Variants in CACNG2 observed in about 807,000 individuals in gnomAD.
CACNG2 encodes the protein calcium voltage-gated channel auxiliary subunit gamma 2.
In CACNG2, 3 loss-of-function variants were observed where a neutral mutation model predicts 25.9. The observed-to-expected ratio is 0.12, with a 90% CI of 0.05 to 0.30. The LOEUF (loss-of-function observed/expected upper bound fraction) is 0.30, where lower values mean the gene tolerates loss of function less well. Ranked by LOEUF, CACNG2 falls within the 10% of genes least tolerant of loss-of-function variation. The pLI, the probability that CACNG2 is intolerant of heterozygous loss-of-function variation, is 1.00. For missense variants in CACNG2, 341 were observed against 432.5 expected, an observed-to-expected ratio of 0.79 and a Z score of 1.88; for synonymous variants, 167 against 173.3, an observed-to-expected ratio of 0.96 and a Z score of 0.29.
intron 2 of CACNG2, chr22:36,584,512 T>C (rs1385611202): frequency 6.6e-6 from 1 of 152,236 alleles, no homozygotes; most frequent in Non-Finnish European, 1.5e-5. Context: ...TTATTACTTG[T>C]TTCTTACACT....
intron 1 of CACNG2, among the ~76,000 whole-genome samples, chr22:36,621,708 A>C (rs1167123687): frequency 6.6e-6 from 1 of 152,096 alleles, no homozygotes; most frequent in Admixed American, 6.5e-5. Flanking sequence ...ACTGTAGCAC[A>C]TACTCCCCTG....
At position 36,662,973 on chromosome 22, in the gene CACNG2, G is replaced by A. The variant is rs547841137; in HGVS notation, c.211+39393C>T. On this transcript the variant is annotated intron_variant, in intron 1 of 3. Coordinates refer to ENST00000300105, the MANE Select transcript of CACNG2 (RefSeq NM_006078.5). ...TCACTGGGGCCCTGCACCACACAGG[G>A]AATCAAATAATAGTTGTTGAATGAA... is the stretch of plus-strand genomic sequence containing the variant. 1.6e-4 allele frequency among the ~76,000 whole-genome samples: 24 copies of A among 151,930 alleles called. No homozygotes were observed. In the South Asian group the frequency reaches 5.0e-3, roughly 32 times the overall value.
At chr22:36,677,681 G>A (rs943424468) in intron 1 of CACNG2, among the ~76,000 whole-genome samples, 1 of 152,174 alleles carries the variant, frequency 6.6e-6, no homozygotes, top group African/African-American at 2.4e-5. Context: ...CTTAACCCAC[G>A]TGGGCATAAA....
intron 1 of CACNG2, among the ~76,000 whole-genome samples, chr22:36,592,550 A>T (rs1289083645): frequency 6.6e-6 from 1 of 152,188 alleles, no homozygotes; most frequent in Non-Finnish European, 1.5e-5. Flanking sequence ...TTCTATATAC[A>T]TCGAGTATAT....
Position 36,641,316 on chromosome 22 carries a change from C to A in CACNG2, c.212-53768G>T, listed in dbSNP as rs569605669. On this transcript the variant is annotated intron_variant, in intron 1 of 3. Transcript: ENST00000300105. ...TGGATCTCCAGTACCTAGCACAGTG[C>A]CTGGCTCAGTGTAGATAGCCAATAG... Among the ~76,000 whole-genome samples, 3 of 152,310 alleles carry A rather than the reference C, an allele frequency of 2.0e-5. No homozygotes were observed. In the South Asian group the frequency reaches 6.2e-4, roughly 32 times the overall value.
intron 2 of CACNG2, among the ~76,000 whole-genome samples, chr22:36,579,281 G>C (rs1361965976): frequency 6.6e-6 from 1 of 151,860 alleles, no homozygotes; most frequent in Non-Finnish European, 1.5e-5. Flanking sequence ...GCAGACACTT[G>C]TAATCCCAGC....
chr22:36,668,865 G>A (rs1195488670), intron 1 of CACNG2, among the ~76,000 whole-genome samples: 5 of 152,136 alleles, frequency 3.3e-5, no homozygotes, highest in African/African-American at 4.8e-5. Context: ...CAGAGGGCAG[G>A]AGAAGATGGA....
intron 1 of CACNG2, among the ~76,000 whole-genome samples, chr22:36,673,108 C>T (rs1474440161): frequency 6.6e-6 from 1 of 152,192 alleles, no homozygotes; most frequent in Non-Finnish European, 1.5e-5. Flanking sequence ...TGCCTGTAGT[C>T]CCAGCTACTC....
intron 1 of CACNG2, among the ~76,000 whole-genome samples, chr22:36,653,428 G>A (rs535787893): frequency 2.0e-5 from 3 of 152,196 alleles, no homozygotes; most frequent in Admixed American, 6.5e-5. Context: ...AAAACTGGAC[G>A]ATTTAGCGAC....
At chr22:36,671,197 G>A (rs531732443) in intron 1 of CACNG2, among the ~76,000 whole-genome samples, 9 of 152,282 alleles carry the variant, frequency 5.9e-5, no homozygotes, top group Non-Finnish European at 7.4e-5. Flanking sequence ...GATTACAGGC[G>A]TGAGCCACTG....
In CACNG2 at chr22:36,654,299, A is replaced by C. The variant is rs1348276944; in HGVS notation, c.211+48067T>G. Among the ~76,000 whole-genome samples the C allele has an allele frequency of 5.9e-5, 9 of 151,862 alleles. No homozygotes were observed. The East Asian group carries it at 1.7e-3, about 29-fold the overall frequency. ...TGCGTGTGTTTCAAGACAAGGTCTC[A>C]CTCTCACCCCGGCTGGAGTGCGGTG... is the stretch of plus-strand genomic sequence containing the variant. On this transcript the variant is annotated intron_variant, in intron 1 of 3. Transcript: ENST00000300105.
At position 36,563,574 on chromosome 22, in the gene CACNG2, A is replaced by G. The variant is rs73884106; in HGVS notation, c.*777T>C. ...GGAACCTGGGGCCAGGCAAGCCCCAAGTGTACCCCCCTCCAGGCACCCTAA... is the reference window on the plus strand; with the variant it reads ...GGAACCTGGGGCCAGGCAAGCCCCAGGTGTACCCCCCTCCAGGCACCCTAA... On this transcript the variant is annotated 3_prime_UTR_variant, in exon 4 of 4. Transcript: ENST00000300105. Among the ~76,000 whole-genome samples, 18,187 of 152,112 alleles carry G rather than the reference A, an allele frequency of 0.12. 3,357 individuals carry two copies. The highest frequency in any genetic ancestry group is 0.39 in the African/African-American group (16,273 of 41,436).
chr22:36,697,366 A>G lies in CACNG2; in HGVS notation c.211+5000T>C, dbSNP rs141524132. Among the ~76,000 whole-genome samples the G allele has an allele frequency of 7.5e-3, 1,150 of 152,336 alleles. 6 individuals carry two copies. The highest frequency in any genetic ancestry group is 0.012 in the Non-Finnish European group (825 of 68,036). On this transcript the variant is annotated intron_variant, in intron 1 of 3. Transcript: ENST00000300105. ...CAACAAGACACAGACCAGATGTAAC[A>G]GTGCTTATTAGTGGATATAAGCGGG...
intron 1 of CACNG2, among the ~76,000 whole-genome samples, chr22:36,629,711 T>C (rs1039746451): frequency 1.3e-5 from 2 of 152,156 alleles, no homozygotes; most frequent in Admixed American, 1.3e-4. Context: ...ATTCATTCAT[T>C]CAGCACATAT....
At chr22:36,590,190 C>T (rs1935566900) in intron 1 of CACNG2, among the ~76,000 whole-genome samples, 1 of 152,178 alleles carries the variant, frequency 6.6e-6, no homozygotes, top group African/African-American at 2.4e-5. Flanking sequence ...CAAGCCTGGG[C>T]TTCACTCATC....
intron 1 of CACNG2, among the ~76,000 whole-genome samples, chr22:36,612,316 C>G (rs1407629257): frequency 6.6e-6 from 1 of 152,132 alleles, no homozygotes; most frequent in African/African-American, 2.4e-5. Context: ...TAGAAGAGTA[C>G]TTTATGCATA....
chr22:36,561,087 C>T lies in CACNG2; in HGVS notation c.*3264G>A, dbSNP rs1463729385. 1 of 152,338 alleles carries T rather than the reference C, an allele frequency of 6.6e-6. No homozygotes were observed. Among genetic ancestry groups the T allele is most frequent in the Non-Finnish European group, 1.5e-5 (1 of 68,146 alleles). 9.4% of individuals were successfully genotyped at this position (152,338 alleles called of 1,614,324 possible). On this transcript the variant is annotated 3_prime_UTR_variant, in exon 4 of 4. Coordinates refer to ENST00000300105, the MANE Select transcript of CACNG2 (RefSeq NM_006078.5). ...TGCAGTTCCGGTCCTGGCTCCTTCC[C>T]TCCGGACCCCCTAGCCCCTTCTCAG...
At chr22:36,698,640 G>A (rs1937371869) in intron 1 of CACNG2, among the ~76,000 whole-genome samples, 1 of 152,206 alleles carries the variant, frequency 6.6e-6, no homozygotes, top group Admixed American at 6.5e-5. Context: ...CTGTGAGCAA[G>A]CAGCCTGGTG....
At chr22:36,577,397 A>G (rs1428667539) in intron 2 of CACNG2, among the ~76,000 whole-genome samples, 1 of 152,066 alleles carries the variant, frequency 6.6e-6, no homozygotes, top group Non-Finnish European at 1.5e-5. Context: ...CACACCTGTA[A>G]TCCCAGCACT....
Sources: allele counts gnomAD v4.1 joint callset (sites outside exome capture counted in the v4.1 genomes callset), GRCh38; gene constraint gnomAD v4.1.1; transcripts MANE v1.5; gene names NCBI Gene and HGNC (gene_info 2026-07-23, HGNC 2026-07-21).